PDPR: variants seen among roughly 807,000 people sequenced by gnomAD.
The protein encoded by PDPR is pyruvate dehydrogenase phosphatase regulatory subunit, mitochondrial.
A neutral mutation model predicts 102.2 loss-of-function variants in PDPR; 50 were observed. That is an observed-to-expected ratio of 0.49 (90% confidence interval 0.39 to 0.62). The LOEUF (loss-of-function observed/expected upper bound fraction) is 0.62. Ranked by LOEUF, PDPR falls within the 20% of genes least tolerant of loss-of-function variation. The pLI is 0.00. For missense variants in PDPR, 625 were observed against 1,098.2 expected, an observed-to-expected ratio of 0.57 and a Z score of 6.09; for synonymous variants, 259 against 406.0, an observed-to-expected ratio of 0.64 and a Z score of 4.35.
intron 2 of PDPR, among the ~76,000 whole-genome samples, chr16:70,117,020 G>C (rs1202923175): frequency 6.7e-6 from 1 of 149,638 alleles, no homozygotes; most frequent in Non-Finnish European, 1.5e-5. Context: ...TAAATAGCCG[G>C]CCACTAATGC....
intron 11 of PDPR, among the ~76,000 whole-genome samples, chr16:70,139,486 C>T (rs1965497381): frequency 6.6e-6 from 1 of 152,264 alleles, no homozygotes; most frequent in Admixed American, 6.5e-5. Flanking sequence ...GAGTTATTCT[C>T]AGAGCTTCAG....
chr16:70,152,873 G>A (rs966609647), intron 17 of PDPR, among the ~76,000 whole-genome samples: 1 of 152,288 alleles, frequency 6.6e-6, no homozygotes, highest in African/African-American at 2.4e-5. Flanking sequence ...ATGAGCAGGC[G>A]AGCCCTGCCT....
At chr16:70,121,994 C>CCT (rs1963347745) in intron 3 of PDPR, among the ~76,000 whole-genome samples, 2 of 149,520 alleles carry the variant, frequency 1.3e-5, no homozygotes, top group African/African-American at 2.4e-5. Context: ...TCTTTTCTTT[C>CCT]TTTTTTTTTT....
In PDPR at chr16:70,116,111, A is replaced by C. The variant is rs531593982; in HGVS notation, c.-33+1181A>C. Among the ~76,000 whole-genome samples, 195 of 148,058 alleles carry C rather than the reference A, an allele frequency of 1.3e-3. 3 individuals are homozygous for C. The highest frequency in any genetic ancestry group is 6.6e-3 in the South Asian group (31 of 4,678). On this transcript the variant is annotated intron_variant, in intron 2 of 18. Transcript: ENST00000288050. Reference sequence around the variant, plus strand: ...AGCACCCTGGGCTTTTTTGAGATGGAGTCTCACTGTGTCACCCAGGCAGTG... The same window carrying C: ...AGCACCCTGGGCTTTTTTGAGATGGCGTCTCACTGTGTCACCCAGGCAGTG...
Position 70,161,920 on chromosome 16 carries a change from TAGGG to T in PDPR, c.*5046_*5049del, listed in dbSNP as rs1377345816. 1.1e-4 allele frequency: 17 copies of T among 152,378 alleles called. No individual in the cohort carries two copies. The highest frequency in any genetic ancestry group is 2.1e-4 in the Non-Finnish European group (14 of 68,098). The allele number at this position is 152,378 out of a possible 1,614,324, so 9.4% of individuals were successfully genotyped here. ...TGTCAAAGACAGAAATTACAGGAGA[TAGGG>T]AGGGTTTTTTAGCATCTCTTTCAAA... On this transcript the variant is annotated 3_prime_UTR_variant, in exon 19 of 19. Transcript: ENST00000288050.
intron 17 of PDPR, among the ~76,000 whole-genome samples, chr16:70,150,712 A>G (rs986209665): frequency 1.3e-5 from 2 of 152,092 alleles, no homozygotes; most frequent in African/African-American, 4.8e-5. Flanking sequence ...GGGTCTTGCT[A>G]TGTTGCCTAG....
downstream of PDPR, among the ~76,000 whole-genome samples, chr16:70,162,753 G>A (rs564526191): frequency 3.3e-5 from 5 of 152,368 alleles, no homozygotes; most frequent in African/African-American, 7.2e-5. Context: ...CTGAAATTCC[G>A]ACCGGCCTTC....
chr16:70,162,293 G>C lies in PDPR; in HGVS notation c.*5414G>C, dbSNP rs1372686253. 9 of 152,838 alleles carry C rather than the reference G, an allele frequency of 5.9e-5. No homozygotes were observed. The East Asian group carries it at 1.7e-3, about 29-fold the overall frequency. The allele number at this position is 152,838 out of a possible 1,614,324, so 9.5% of individuals were successfully genotyped here. A position where few individuals can be genotyped will look rare whatever the true frequency, so the allele number is the denominator to read the frequency against. On this transcript the variant is annotated 3_prime_UTR_variant, in exon 19 of 19. Transcript: ENST00000288050. The stretch of plus-strand genomic sequence containing the variant: ...TTTGTGTTTGTCAATTTGCAGTTCA[G>C]CTTAGCCCTTCCCTGTTCCTGTGTA...
At chr16:70,118,928 C>T (rs1962929057) in intron 2 of PDPR, among the ~76,000 whole-genome samples, 1 of 152,068 alleles carries the variant, frequency 6.6e-6, no homozygotes, top group Non-Finnish European at 1.5e-5. Flanking sequence ...ACATAGATAC[C>T]TTGGCCTTGG....
In PDPR at chr16:70,127,350, CA is replaced by C; in HGVS notation, c.321del (p.Lys107AsnfsTer6). On this transcript the variant is annotated frameshift_variant, in exon 4 of 19. Coordinates refer to ENST00000288050, the MANE Select transcript of PDPR (RefSeq NM_017990.5). LOFTEE classifies it high-confidence loss of function. ...AGCAGAAGATGGCAGACTACTCAAA[CA>C]AACTCTACTATCAGTTAGAGCAAGA... is the stretch of plus-strand genomic sequence containing the variant. ...IEQKMADYSN[K>X]LYYQLEQETG... 3.1e-6 allele frequency: 5 copies of C among 1,608,712 alleles called. No homozygotes were observed. Among genetic ancestry groups the C allele is most frequent in the Non-Finnish European group, 4.2e-6 (5 of 1,177,334 alleles).
intron 18 of PDPR, among the ~76,000 whole-genome samples, chr16:70,156,115 C>G (rs546813100): frequency 2.6e-5 from 4 of 152,380 alleles, no homozygotes; most frequent in African/African-American, 9.6e-5. Flanking sequence ...CGTGAGCCAC[C>G]ACGACTGGCC....
intron 11 of PDPR, among the ~76,000 whole-genome samples, chr16:70,141,909 G>T (rs1203358194): frequency 2.0e-5 from 3 of 152,268 alleles, no homozygotes; most frequent in Non-Finnish European, 4.4e-5. Flanking sequence ...AGACCAGCCT[G>T]ACCAACATGG....
Position 70,137,494 on chromosome 16 carries a change from G to A in PDPR, c.1190+1108G>A, listed in dbSNP as rs557862143. Among the ~76,000 whole-genome samples the A allele has an allele frequency of 7.2e-5, 11 of 152,376 alleles. No individual in the cohort carries two copies. The East Asian group carries it at 1.9e-3, about 27-fold the overall frequency. On this transcript the variant is annotated intron_variant, in intron 10 of 18. Coordinates refer to ENST00000288050, the MANE Select transcript of PDPR (RefSeq NM_017990.5). Reference sequence around the variant, plus strand: ...CATCATAGAGACAGAAAGTACAATGGTGGTTGCCAGAGGCGGGGGAGGGGA... The same window carrying A: ...CATCATAGAGACAGAAAGTACAATGATGGTTGCCAGAGGCGGGGGAGGGGA...
chr16:70,145,334 C>T (rs1966146041), intron 15 of PDPR, among the ~76,000 whole-genome samples: 1 of 152,258 alleles, frequency 6.6e-6, no homozygotes, highest in Non-Finnish European at 1.5e-5. Flanking sequence ...GATGGGGTTT[C>T]ACCATGTTGG....
intron 11 of PDPR, among the ~76,000 whole-genome samples, chr16:70,140,500 G>A (rs1213876276): frequency 6.6e-6 from 1 of 152,190 alleles, no homozygotes; most frequent in Non-Finnish European, 1.5e-5. Flanking sequence ...CAATTCTCAT[G>A]AAATAGAAGT....
downstream of PDPR, among the ~76,000 whole-genome samples, chr16:70,162,900 CTT>C (rs1181874980): frequency 6.6e-6 from 1 of 152,262 alleles, no homozygotes; most frequent in Non-Finnish European, 1.5e-5. Context: ...AACCAGTGCT[CTT>C]TTTCTACACC....
chr16:70,150,668 C>CA (rs1966663171), intron 17 of PDPR, among the ~76,000 whole-genome samples: 3 of 152,228 alleles, frequency 2.0e-5, no homozygotes, highest in African/African-American at 7.2e-5. Context: ...CCAACATCCC[C>CA]AGCTAATTTT....
At position 70,145,478 on chromosome 16, in the gene PDPR, T is replaced by C. The variant is rs1483277137; in HGVS notation, c.1868-656T>C. 3.3e-5 allele frequency among the ~76,000 whole-genome samples: 5 copies of C among 152,236 alleles called. No individual in the cohort carries two copies. In the East Asian group the frequency reaches 9.7e-4, roughly 29 times the overall value. On this transcript the variant is annotated intron_variant, in intron 15 of 18. Transcript: ENST00000288050. The stretch of plus-strand genomic sequence containing the variant: ...TTTAAGGATGACTTGGTTCCCTGAT[T>C]TTCTCACTCTCAGCAGTCTCGGCTT...
rs1963136378 is a variant in PDPR, at chr16:70,120,568, A to G, written c.76A>G (p.Arg26Gly). ...SPGWQNWSSA[R>G]NSTSAAEARS... ...AGGATGGCAGAACTGGTCCTCTGCA[A>G]GAAACAGCACGTCAGCTGCCGAGGC... is the stretch of plus-strand genomic sequence containing the variant. The change falls in exon 3 of 19, where the codon AGA becomes GGA. Residue 26 changes from arginine to glycine, a missense_variant. Arg to Gly is a moderately radical substitution (Grantham distance 125). Coordinates refer to ENST00000288050, the MANE Select transcript of PDPR (RefSeq NM_017990.5). 3 of 1,614,056 alleles carry G rather than the reference A, an allele frequency of 1.9e-6. No homozygotes were observed. Among genetic ancestry groups the G allele is most frequent in the Non-Finnish European group, 2.5e-6 (3 of 1,179,888 alleles).
Sources: gnomAD v4.1 joint callset for allele counts (sites outside exome capture counted in the v4.1 genomes callset) on GRCh38, gnomAD v4.1.1 for gene constraint, MANE v1.5 for transcripts, NCBI Gene and HGNC (gene_info 2026-07-23, HGNC 2026-07-21) for gene names.